Variants in PPRC1 observed in about 807,000 individuals in gnomAD.
The protein encoded by PPRC1 is peroxisome proliferator-activated receptor gamma coactivator-related protein 1.
Under a neutral mutation model 132.5 loss-of-function variants are expected in PPRC1, and 23 were observed. The observed-to-expected ratio is 0.17, with a 90% CI of 0.12 to 0.25. The LOEUF (loss-of-function observed/expected upper bound fraction) is 0.25, where lower values mean the gene tolerates loss of function less well. Among genes scored for constraint, PPRC1 ranks in the 10% least tolerant of loss-of-function variants. The pLI is 1.00. For missense variants in PPRC1, 2,006 were observed against 2,089.1 expected, an observed-to-expected ratio of 0.96 and a Z score of 0.78; for synonymous variants, 872 against 833.5, an observed-to-expected ratio of 1.05 and a Z score of -0.80.
chr10:102,133,063 G>A lies in PPRC1; in HGVS notation c.-6G>A. On this transcript the variant is annotated 5_prime_UTR_variant, in exon 1 of 14. Coordinates refer to ENST00000278070, the MANE Select transcript of PPRC1 (RefSeq NM_015062.5). The stretch of plus-strand genomic sequence containing the variant: ...TCAGAGCAGCGCTGGGTGTTCAGGG[G>A]CCAAGATGGCGGCGCGCCGGGGACG... The A allele has an allele frequency of 1.6e-6, 2 of 1,241,306 alleles. No individual in the cohort carries two copies. The highest frequency in any genetic ancestry group is 1.5e-5 in the African/African-American group (1 of 64,546). 76.9% of individuals were successfully genotyped at this position (1,241,306 alleles called of 1,614,324 possible).
At position 102,149,974 on chromosome 10, in the gene PPRC1, A is replaced by G. The variant is rs765940377; in HGVS notation, c.4940A>G (p.Asp1647Gly). Residue 1647 changes from aspartate to glycine, a missense_variant, in exon 14 of 14, where the codon GAT (aspartate) becomes GGT (glycine). Physicochemically the swap from Asp to Gly is moderately conservative, Grantham distance 94. Coordinates refer to ENST00000278070, the MANE Select transcript of PPRC1 (RefSeq NM_015062.5). ...FDPAPVKSKF[D>G]SLDFDTLLKQ... ...CCAGCACCTGTAAAGAGCAAATTTG[A>G]TTCTCTTGACTTTGACACATTGTTG... The G allele has an allele frequency of 6.2e-7, 1 of 1,613,788 alleles. No homozygotes were observed. The highest frequency in any genetic ancestry group is 8.5e-7 in the Non-Finnish European group (1 of 1,179,842).
upstream of PPRC1, among the ~76,000 whole-genome samples, chr10:102,128,458 C>T (rs1165479295): frequency 1.3e-5 from 2 of 151,166 alleles, no homozygotes; most frequent in East Asian, 4.0e-4. Flanking sequence ...TAAAAGCTTC[C>T]ATTTTTTTGC....
intron 12 of PPRC1, 102 bp downstream of exon 12, chr10:102,149,040 G>T: frequency 6.5e-7 from 1 of 1,542,108 alleles, no homozygotes; most frequent in Non-Finnish European, 8.8e-7. Context: ...AGCAATATGG[G>T]GCACCTTCAT....
chr10:102,139,041 G>A, intron 4 of PPRC1, 59 bp from the exon 5 acceptor site: 1 of 1,602,612 alleles, frequency 6.2e-7, no homozygotes, highest in South Asian at 1.1e-5. Flanking sequence ...TGTGGGGACA[G>A]GTCTGGAAAA....
At chr10:102,129,054 C>T (rs1171789259), upstream of PPRC1, among the ~76,000 whole-genome samples, 6 of 150,530 alleles carry the variant, frequency 4.0e-5, no homozygotes, top group South Asian at 6.3e-4. Context: ...CTCAGCCTCC[C>T]GCGTAGCTGG....
At chr10:102,127,019 TCATATATATATATATATATATATATATA>T in the PPRC1 span, among the ~76,000 whole-genome samples, 14 of 78,884 alleles carry the variant, frequency 1.8e-4, 1 homozygote, top group African/African-American at 6.3e-4. Context: ...TGGTTTTTTA[TCATATATATATATATATATATATATATA>T]TATATATATA....
the PPRC1 span, among the ~76,000 whole-genome samples, chr10:102,126,372 A>C: frequency 6.6e-6 from 1 of 152,170 alleles, no homozygotes; most frequent in Non-Finnish European, 1.5e-5. Flanking sequence ...TCTTTCTCCA[A>C]ACAGACAGCA....
At chr10:102,131,650 A>G (rs916888526), upstream of PPRC1, among the ~76,000 whole-genome samples, 1 of 152,200 alleles carries the variant, frequency 6.6e-6, no homozygotes, top group Non-Finnish European at 1.5e-5. Context: ...GAGAAACTGT[A>G]AACAACTTAA....
At chr10:102,133,866 T>G (rs1326533821) in intron 1 of PPRC1, among the ~76,000 whole-genome samples, 1 of 151,658 alleles carries the variant, frequency 6.6e-6, no homozygotes, top group Admixed American at 6.6e-5. Flanking sequence ...GAGTCAACTT[T>G]GTTCAGAGCC....
At chr10:102,125,869 T>C in the PPRC1 span, among the ~76,000 whole-genome samples, 685 of 151,454 alleles carry the variant, frequency 4.5e-3, 8 homozygotes, top group African/African-American at 0.015. Flanking sequence ...CTTTTCTTTT[T>C]TTTTTTTTTT....
chr10:102,138,101 A>G, intron 2 of PPRC1, 63 bp downstream of exon 2: 1 of 1,518,754 alleles, frequency 6.6e-7, no homozygotes, highest in Non-Finnish European at 8.9e-7. Flanking sequence ...TTCTAGCTCA[A>G]ATTCTTGGCA....
At chr10:102,126,827 C>G in the PPRC1 span, among the ~76,000 whole-genome samples, 2 of 151,696 alleles carry the variant, frequency 1.3e-5, no homozygotes, top group Admixed American at 6.6e-5. Flanking sequence ...TGCCCTGACA[C>G]GTGACTCCTC....
At position 102,148,707 on chromosome 10, in the gene PPRC1, A is replaced by G; in HGVS notation, c.4617+13A>G. ...GGAGCGTGCAATAGTGAGTAGAGGA[A>G]CAGATCATGGGAGGATGGGGCTTAC... On this transcript the variant is annotated intron_variant, in intron 11 of 13. Transcript: ENST00000278070. The surrounding 1 kb of genome is among the most constrained non-coding windows in gnomAD (Gnocchi z 4.2). The G allele has an allele frequency of 6.2e-7, 1 of 1,614,086 alleles. No individual in the cohort carries two copies. Among genetic ancestry groups the G allele is most frequent in the African/African-American group, 1.3e-5 (1 of 75,046 alleles).
chr10:102,139,350 C>G lies in PPRC1; in HGVS notation c.842C>G (p.Pro281Arg). 1 of 1,614,224 alleles carries G rather than the reference C, an allele frequency of 6.2e-7. No individual in the cohort carries two copies. Among genetic ancestry groups the G allele is most frequent in the Non-Finnish European group, 8.5e-7 (1 of 1,180,048 alleles). Residue 281 changes from proline to arginine, a missense_variant, in exon 5 of 14, where the codon CCT becomes CGT. Coordinates refer to ENST00000278070, the MANE Select transcript of PPRC1 (RefSeq NM_015062.5). ...GACTTCCCCATGCATTTGGCCTGCC[C>G]TGAGGAGGAAGATAAAGCAACAGCA... ...IPDFPMHLAC[P>R]EEEDKATAAE... is the part of the protein sequence containing the mutation.
Position 102,147,349 on chromosome 10 carries a change from T to C in PPRC1, c.4357T>C (p.Ser1453Pro). 1 of 1,610,328 alleles carries C rather than the reference T, an allele frequency of 6.2e-7. No homozygotes were observed. Among genetic ancestry groups the C allele is most frequent in the Non-Finnish European group, 8.5e-7 (1 of 1,179,856 alleles). ...CTCATCATCGTCTTCCTCATCCCGA[T>C]CTCGGTCCAGGTCCCTCTCCCCCCC... The part of the protein sequence containing the change: ...SSSSSSSSSR[S>P]RSRSLSPPHK... Residue 1453 changes from serine to proline, a missense_variant, in exon 9 of 14, where the codon TCT (serine) becomes CCT (proline). By Grantham distance (74) the Ser-to-Pro change is moderately conservative. Transcript: ENST00000278070.
rs1382323320 is a variant in PPRC1, at chr10:102,133,078, C to T, written c.10C>T (p.Arg4Cys). The T allele has an allele frequency of 1.6e-6, 2 of 1,242,212 alleles. No homozygotes were observed. Among genetic ancestry groups the T allele is most frequent in the African/African-American group, 1.6e-5 (1 of 64,406 alleles). The allele number at this position is 1,242,212 out of a possible 1,614,324, so 76.9% of individuals were successfully genotyped here. Reference protein sequence around the residue: MAARRGRRDGVAPP... With the variant: MAACRGRRDGVAPP... ...GTGTTCAGGGGCCAAGATGGCGGCG[C>T]GCCGGGGACGGAGAGACGGAGTCGC... Residue 4 changes from arginine to cysteine, a missense_variant, in exon 1 of 14, where the codon CGC becomes TGC. Arg to Cys is a radical substitution (Grantham distance 180, BLOSUM62 -3). Around this residue, in one of 2 missense-constraint regions of PPRC1, gnomAD observed 1,914 missense variants for 1,917.2 expected, o/e 1.00. Coordinates refer to ENST00000278070, the MANE Select transcript of PPRC1 (RefSeq NM_015062.5).
At chr10:102,149,528 C>G (rs544861207) in intron 13 of PPRC1, among the ~76,000 whole-genome samples, 199 bp downstream of exon 13, 32 of 152,022 alleles carry the variant, frequency 2.1e-4, no homozygotes, top group Admixed American at 6.6e-4. Flanking sequence ...GTCAGGAGTT[C>G]GAGACCAGCC....
intron 2 of PPRC1, among the ~76,000 whole-genome samples, 188 bp downstream of exon 2, chr10:102,138,226 T>A (rs1179602584): frequency 1.3e-5 from 2 of 152,234 alleles, no homozygotes; most frequent in Non-Finnish European, 2.9e-5. Flanking sequence ...TTATGTCCCA[T>A]GTAAGAATTC....
upstream of PPRC1, among the ~76,000 whole-genome samples, chr10:102,132,093 C>T (rs113768692): frequency 5.5e-4 from 83 of 152,216 alleles, no homozygotes; most frequent in African/African-American, 2.0e-3. Context: ...AATTTGTGCC[C>T]CTATATATTT....
Sources: allele counts gnomAD v4.1 joint callset (sites outside exome capture counted in the v4.1 genomes callset), GRCh38; gene constraint gnomAD v4.1.1; regional missense constraint gnomAD v4.1.1; non-coding constraint Gnocchi (gnomAD v3.1); transcripts MANE v1.5; gene names NCBI Gene and HGNC (gene_info 2026-07-23, HGNC 2026-07-21).